Variants in AGBL1 observed in about 807,000 individuals in gnomAD.
AGBL1 encodes cytosolic carboxypeptidase 4.
In AGBL1, 130 loss-of-function variants were observed where a neutral mutation model predicts 118.9. The ratio of observed to expected loss-of-function variants is 1.09; its 90% CI spans 0.95 to 1.26. The LOEUF (loss-of-function observed/expected upper bound fraction) is 1.26, where lower values mean the gene tolerates loss of function less well. AGBL1 is among the 50% of genes most tolerant of loss of function. The probability of loss-of-function intolerance (pLI) is 0.00; values close to 1 mark genes in which losing one functional copy is unlikely to be tolerated. For missense variants in AGBL1, 1,584 were observed against 1,298.1 expected, an observed-to-expected ratio of 1.22 and a Z score of -3.38; for synonymous variants, 555 against 478.9, an observed-to-expected ratio of 1.16 and a Z score of -2.08.
intron 23 of AGBL1, among the ~76,000 whole-genome samples, chr15:86,952,379 T>C (rs2141672420): frequency 6.6e-6 from 1 of 152,286 alleles, no homozygotes; most frequent in Admixed American, 6.5e-5. Flanking sequence ...TCTAGTAAGG[T>C]CATGATATCT....
intron 22 of AGBL1, among the ~76,000 whole-genome samples, chr15:86,797,620 C>A (rs1299896338): frequency 2.0e-5 from 3 of 152,016 alleles, no homozygotes; most frequent in African/African-American, 7.3e-5. Flanking sequence ...ACAAAGAGGC[C>A]CTGCTTAAAT....
intron 23 of AGBL1, among the ~76,000 whole-genome samples, chr15:86,962,194 T>G (rs2080999594): frequency 6.6e-6 from 1 of 151,646 alleles, no homozygotes; most frequent in Non-Finnish European, 1.5e-5. Flanking sequence ...AATACACATG[T>G]AGACACAAAA....
chr15:86,965,458 C>T lies in AGBL1; in HGVS notation c.3222-22529C>T, dbSNP rs35752986. Among the ~76,000 whole-genome samples the T allele has an allele frequency of 3.0e-3, 461 of 152,068 alleles. 1 individual carries two copies. The highest frequency in any genetic ancestry group is 5.4e-3 in the Non-Finnish European group (365 of 67,954). On this transcript the variant is annotated intron_variant, in intron 23 of 24. Coordinates refer to the AGBL1 transcript ENST00000441037. Reference sequence around the variant, plus strand: ...TTTTGAGAAGTTATCTGTTCATATCCTTTGCCCACTTTTTGATGGGTTTGT... The same window carrying T: ...TTTTGAGAAGTTATCTGTTCATATCTTTTGCCCACTTTTTGATGGGTTTGT...
intron 22 of AGBL1, among the ~76,000 whole-genome samples, chr15:86,781,457 G>A (rs1216802951): frequency 7.1e-6 from 1 of 141,312 alleles, no homozygotes; most frequent in Non-Finnish European, 1.6e-5. Flanking sequence ...ATGAGGCAAT[G>A]TATTCTGAGT....
At chr15:86,761,682 G>T (rs957667686) in intron 22 of AGBL1, among the ~76,000 whole-genome samples, 4 of 151,960 alleles carry the variant, frequency 2.6e-5, no homozygotes, top group African/African-American at 7.2e-5. Flanking sequence ...GGGTTGTTTC[G>T]TGTTTTAATT....
chr15:86,337,023 G>A (rs1445592828), intron 17 of AGBL1, among the ~76,000 whole-genome samples: 1 of 152,222 alleles, frequency 6.6e-6, no homozygotes, highest in Non-Finnish European at 1.5e-5. Context: ...GACTCTGGCT[G>A]TCCGGGAATG....
At chr15:86,403,455 T>C (rs2081477862) in intron 18 of AGBL1, among the ~76,000 whole-genome samples, 1 of 152,124 alleles carries the variant, frequency 6.6e-6, no homozygotes, top group Non-Finnish European at 1.5e-5. Context: ...AATCAAGCTA[T>C]AAAAATCAGA....
Position 86,909,801 on chromosome 15 carries a change from T to C in AGBL1, c.*2507T>C, listed in dbSNP as rs1596621843. Reference sequence around the variant, plus strand: ...AATGATGCTAGCTTATCATTAATTATTATTTCAGCCCAAATTAGTTTTGGG... The same window carrying C: ...AATGATGCTAGCTTATCATTAATTACTATTTCAGCCCAAATTAGTTTTGGG... On this transcript the variant is annotated 3_prime_UTR_variant, in exon 23 of 23. Transcript: ENST00000614907. 3 of 152,222 alleles carry C rather than the reference T, an allele frequency of 2.0e-5. No homozygotes were observed. The East Asian group carries it at 5.8e-4, about 29-fold the overall frequency. 9.4% of individuals were successfully genotyped at this position (152,222 alleles called of 1,614,324 possible).
rs74363615 is a variant in AGBL1, at chr15:87,017,455, G to T, written c.3324-11370G>T. Among the ~76,000 whole-genome samples, 1,294 of 152,092 alleles carry T rather than the reference G, an allele frequency of 8.5e-3. 9 individuals carry two copies. Among genetic ancestry groups the T allele is most frequent in the African/African-American group, 0.018 (727 of 41,448 alleles). ...AGCAGGCTGCAATCTTTGCTGTTTT[G>T]CAGCCTTCACTGATTGATAATACTT... is the stretch of plus-strand genomic sequence containing the variant. On this transcript the variant is annotated intron_variant, in intron 24 of 24. Coordinates refer to the AGBL1 transcript ENST00000441037.
At chr15:86,696,170 C>T (rs964565405) in intron 22 of AGBL1, among the ~76,000 whole-genome samples, 2 of 151,946 alleles carry the variant, frequency 1.3e-5, no homozygotes, top group African/African-American at 4.8e-5. Context: ...CTAGTGCTGT[C>T]AGTGGAGTAT....
chr15:87,005,472 T>G (rs991838075), intron 24 of AGBL1, among the ~76,000 whole-genome samples: 1 of 152,242 alleles, frequency 6.6e-6, no homozygotes, highest in African/African-American at 2.4e-5. Flanking sequence ...TTTCTTCCAG[T>G]TGATCGAATT....
intron 17 of AGBL1, among the ~76,000 whole-genome samples, chr15:86,334,215 G>A (rs1166075715): frequency 1.3e-5 from 2 of 151,790 alleles, no homozygotes; most frequent in African/African-American, 4.8e-5. Flanking sequence ...ATCTAAATAG[G>A]AAAAAAAGAA....
At chr15:86,538,663 C>T (rs1327290590) in intron 19 of AGBL1, among the ~76,000 whole-genome samples, 2 of 152,208 alleles carry the variant, frequency 1.3e-5, no homozygotes, top group Admixed American at 6.5e-5. Flanking sequence ...AGGCTTCAGC[C>T]TTGCCTTCAT....
chr15:86,714,090 TTATAAA>T (rs1183132344), intron 22 of AGBL1, among the ~76,000 whole-genome samples: 1 of 152,090 alleles, frequency 6.6e-6, no homozygotes, highest in Admixed American at 6.6e-5. Flanking sequence ...GGCATAGGAG[TTATAAA>T]TATAATTGCT....
chr15:86,361,556 T>A (rs1410991763), intron 17 of AGBL1, among the ~76,000 whole-genome samples: 1 of 152,124 alleles, frequency 6.6e-6, no homozygotes, highest in Non-Finnish European at 1.5e-5. Context: ...TGAAGTCTCC[T>A]ACTATTATTG....
intron 22 of AGBL1, among the ~76,000 whole-genome samples, chr15:86,720,274 G>A (rs2086697599): frequency 6.6e-6 from 1 of 152,036 alleles, no homozygotes; most frequent in African/African-American, 2.4e-5. Context: ...TTTTTCACCT[G>A]GATGAATAAC....
At chr15:86,220,465 C>G (rs893240139) in intron 5 of AGBL1, among the ~76,000 whole-genome samples, 1 of 152,108 alleles carries the variant, frequency 6.6e-6, no homozygotes, top group Non-Finnish European at 1.5e-5. Flanking sequence ...TTCAAGACTC[C>G]TCTGTAATGG....
intron 5 of AGBL1, among the ~76,000 whole-genome samples, chr15:86,206,965 T>C (rs369206214): frequency 6.6e-6 from 1 of 152,378 alleles, no homozygotes; most frequent in East Asian, 1.9e-4. Flanking sequence ...AAGTCTTTAA[T>C]CCATCTTGAA....
chr15:86,962,910 A>C (rs1045436952), intron 23 of AGBL1, among the ~76,000 whole-genome samples: 4 of 152,146 alleles, frequency 2.6e-5, no homozygotes, highest in African/African-American at 9.6e-5. Context: ...CAAACTTCTA[A>C]AGTTATGAAT....
Sources: gnomAD v4.1 joint callset for allele counts (sites outside exome capture counted in the v4.1 genomes callset) on GRCh38, gnomAD v4.1.1 for gene constraint, MANE v1.5 for transcripts, NCBI Gene and HGNC (gene_info 2026-07-23, HGNC 2026-07-21) for gene names.